Variants in UNC13B observed in about 807,000 individuals in gnomAD.
UNC13B encodes protein unc-13 homolog B.
In UNC13B, 144 loss-of-function variants were observed where a neutral mutation model predicts 211.0. That is an observed-to-expected ratio of 0.68 (90% confidence interval 0.60 to 0.78). UNC13B has a LOEUF of 0.78. Among genes scored for constraint, UNC13B ranks in the 30% least tolerant of loss-of-function variants. The pLI, the probability that UNC13B is intolerant of heterozygous loss-of-function variation, is 0.00. For missense variants in UNC13B, 1,777 were observed against 2,002.0 expected, an observed-to-expected ratio of 0.89 and a Z score of 2.14; for synonymous variants, 709 against 725.8, an observed-to-expected ratio of 0.98 and a Z score of 0.37.
chr9:35,253,816 A>G (rs1292838386), intron 6 of UNC13B, among the ~76,000 whole-genome samples: 1 of 152,144 alleles, frequency 6.6e-6, no homozygotes, highest in African/African-American at 2.4e-5. Flanking sequence ...CTCTGGGTGT[A>G]TATCTGGAAG....
In UNC13B at chr9:35,313,922, C is replaced by T. The variant is rs1830318632; in HGVS notation, c.9347C>T (p.Ser3116Leu). ...AGTTTTCCTGAGGAGAATGCATCTTCACCATTTACCCAAGCCAGAGCACAT... is the reference window on the plus strand; with the variant it reads ...AGTTTTCCTGAGGAGAATGCATCTTTACCATTTACCCAAGCCAGAGCACAT... ...QESFPEENAS[S>L]PFTQARAHWI... Residue 3116 changes from serine (S) to leucine (L), a missense_variant, in exon 11 of 40, where the codon TCA (serine) becomes TTA (leucine). Physicochemically the swap from Ser to Leu is moderately radical, Grantham distance 145 (BLOSUM62 -2). Transcript: ENST00000635942. The T allele has an allele frequency of 1.9e-6, 3 of 1,613,772 alleles. No homozygotes were observed. The South Asian group carries it at 3.3e-5, about 18-fold the overall frequency.
chr9:35,301,841 T>C lies in UNC13B; in HGVS notation c.2437T>C (p.Ser813Pro). ...NDDFLEPLRKSFSQFLLTSPE... is the reference protein window; with the variant it reads ...NDDFLEPLRKPFSQFLLTSPE... ...TGATTTCCTTGAGCCACTCAGAAAA[T>C]CATTTAGCCAGTTTTTGCTCACTTC... Residue 813 changes from serine (S) to proline (P), a missense_variant, in exon 9 of 40, where the codon TCA (serine) becomes CCA (proline). Coordinates refer to ENST00000635942, the MANE Select transcript of UNC13B (RefSeq NM_001371189.2). 1 of 398,790 alleles carries C rather than the reference T, an allele frequency of 2.5e-6. No individual in the cohort carries two copies. Among genetic ancestry groups the C allele is most frequent in the East Asian group, 3.6e-5 (1 of 28,064 alleles). The allele number at this position is 398,790 out of a possible 1,614,324, so 24.7% of individuals were successfully genotyped here.
intron 11 of UNC13B, among the ~76,000 whole-genome samples, chr9:35,350,272 G>T (rs1832629727): frequency 6.6e-6 from 1 of 152,152 alleles, no homozygotes; most frequent in Non-Finnish European, 1.5e-5. Flanking sequence ...GACTAGACTG[G>T]TGGCAAGTCT....
chr9:35,285,392 T>C (rs1828732905), intron 7 of UNC13B, among the ~76,000 whole-genome samples: 1 of 152,142 alleles, frequency 6.6e-6, no homozygotes, highest in Admixed American at 6.5e-5. Context: ...AGTTTAAAAT[T>C]TACATTCTAA....
chr9:35,367,276 A>G (rs1220990702), intron 12 of UNC13B, among the ~76,000 whole-genome samples: 1 of 152,184 alleles, frequency 6.6e-6, no homozygotes, highest in Non-Finnish European at 1.5e-5. Flanking sequence ...CCATCTTTTC[A>G]TAGTGGTGAA....
chr9:35,391,163 G>A (rs1271961438), intron 26 of UNC13B, among the ~76,000 whole-genome samples: 1 of 152,192 alleles, frequency 6.6e-6, no homozygotes, highest in Non-Finnish European at 1.5e-5. Context: ...GTATGACAAT[G>A]CCAGGAAGAT....
intron 3 of UNC13B, among the ~76,000 whole-genome samples, chr9:35,234,135 G>T (rs1031882286): frequency 6.6e-6 from 1 of 152,008 alleles, no homozygotes; most frequent in East Asian, 1.9e-4. Flanking sequence ...TTATTTTGTG[G>T]GACAGGGTCT....
intron 1 of UNC13B, among the ~76,000 whole-genome samples, chr9:35,207,678 G>C (rs1005900179): frequency 6.6e-6 from 1 of 151,864 alleles, no homozygotes; most frequent in South Asian, 2.1e-4. Flanking sequence ...TATTTATTCA[G>C]ATCCTTTGCC....
intron 6 of UNC13B, 36 bp from the exon 7 acceptor site, chr9:35,258,957 G>A (rs978677691): frequency 8.8e-5 from 141 of 1,596,894 alleles, no homozygotes; most frequent in Non-Finnish European, 1.2e-4. Flanking sequence ...GCTTCTGATT[G>A]TATTTATTTA....
intron 6 of UNC13B, among the ~76,000 whole-genome samples, chr9:35,245,728 AT>A (rs1243460967): frequency 4.6e-5 from 7 of 151,700 alleles, no homozygotes; most frequent in Non-Finnish European, 8.8e-5. Context: ...TATGTGCCAC[AT>A]TTTCTTAATC....
chr9:35,214,361 A>T (rs943214252), intron 1 of UNC13B, among the ~76,000 whole-genome samples: 2 of 152,178 alleles, frequency 1.3e-5, no homozygotes, highest in African/African-American at 4.8e-5. Context: ...CTGGAGGCAG[A>T]GGTTGCAGTG....
At chr9:35,179,825 TA>T (rs1821839114) in intron 1 of UNC13B, among the ~76,000 whole-genome samples, 1 of 152,164 alleles carries the variant, frequency 6.6e-6, no homozygotes, top group Non-Finnish European at 1.5e-5. Flanking sequence ...AGAGAGATGA[TA>T]CTTTAGTGGT....
At chr9:35,241,056 C>CAAAAA (rs10629111) in intron 5 of UNC13B, among the ~76,000 whole-genome samples, 13 of 133,178 alleles carry the variant, frequency 9.8e-5, no homozygotes, top group African/African-American at 3.4e-4. Context: ...GACTCTGTCT[C>CAAAAA]AAAAAAAAAA....
At chr9:35,239,328 C>T (rs906842461) in intron 5 of UNC13B, among the ~76,000 whole-genome samples, 1 of 152,028 alleles carries the variant, frequency 6.6e-6, no homozygotes, top group Non-Finnish European at 1.5e-5. Flanking sequence ...CGTCACATGT[C>T]GGCAGGTTCT....
chr9:35,190,277 C>T (rs917999088), intron 1 of UNC13B, among the ~76,000 whole-genome samples: 2 of 152,150 alleles, frequency 1.3e-5, no homozygotes, highest in African/African-American at 4.8e-5. Flanking sequence ...GGGATGTTTC[C>T]ATATCTTATA....
At chr9:35,276,207 G>A (rs1404193797) in intron 7 of UNC13B, among the ~76,000 whole-genome samples, 1 of 150,620 alleles carries the variant, frequency 6.6e-6, no homozygotes, top group East Asian at 2.0e-4. Flanking sequence ...ATGGGAGGCT[G>A]AAGCGGGAGG....
In UNC13B at chr9:35,304,229, CCTCTTGATTTATCTTTAGCTT is replaced by C; in HGVS notation, c.4826_4846del (p.Pro1609_Ala1615del). On this transcript the variant is annotated inframe_deletion, in exon 9 of 40. Transcript: ENST00000635942. ...TGTTGAAGAGGAACCAATTGATGACCCTCTTGATTTATCTTTAGCTTTGCCAAGAAGTGAGGAACCATTGTA... is the reference window on the plus strand; with the variant it reads ...TGTTGAAGAGGAACCAATTGATGACCTGCCAAGAAGTGAGGAACCATTGTA... 1 of 398,566 alleles carries C rather than the reference CCTCTTGATTTATCTTTAGCTT, an allele frequency of 2.5e-6. No homozygotes were observed. The highest frequency in any genetic ancestry group is 4.4e-6 in the Non-Finnish European group (1 of 225,846). 24.7% of individuals were successfully genotyped at this position (398,566 alleles called of 1,614,324 possible).
At chr9:35,349,231 T>A (rs1832563290) in intron 11 of UNC13B, among the ~76,000 whole-genome samples, 2 of 151,922 alleles carry the variant, frequency 1.3e-5, no homozygotes, top group African/African-American at 4.8e-5. Context: ...ACTTCTTTTT[T>A]AAAGACAAAT....
chr9:35,404,214 C>T lies in UNC13B; in HGVS notation c.*181C>T, dbSNP rs1411574541. 7.7e-6 allele frequency: 6 copies of T among 784,244 alleles called. No homozygotes were observed. The African/African-American group carries it at 8.7e-5, about 11-fold the overall frequency. 48.6% of individuals were successfully genotyped at this position (784,244 alleles called of 1,614,324 possible). On this transcript the variant is annotated 3_prime_UTR_variant, in exon 40 of 40. Coordinates refer to ENST00000635942, the MANE Select transcript of UNC13B (RefSeq NM_001371189.2). ...GCTTTTCACAGAAAGGGTCATGAAG[C>T]CCTGGCCCAACAGGACTGTGGTACT...
Sources: gnomAD v4.1 joint callset for allele counts (sites outside exome capture counted in the v4.1 genomes callset) on GRCh38, gnomAD v4.1.1 for gene constraint, MANE v1.5 for transcripts, NCBI Gene and HGNC (gene_info 2026-07-23, HGNC 2026-07-21) for gene names.